The following MCTP1 variants were observed in gnomAD, a reference collection of about 807,000 sequenced individuals.
The protein encoded by MCTP1 is multiple C2 and transmembrane domain containing 1, also known as multiple C2 and transmembrane domain-containing protein 1.
Under a neutral mutation model 120.6 loss-of-function variants are expected in MCTP1, and 69 were observed. The ratio of observed to expected loss-of-function variants is 0.57; its 90% CI spans 0.47 to 0.70. The LOEUF is 0.70. MCTP1 is among the 30% of genes least tolerant of loss of function. MCTP1 has a pLI of 0.00. For synonymous variants in MCTP1, 529 were observed against 493.1 expected (o/e 1.07, Z -0.96); for missense variants, 1,203 against 1,248.8 (o/e 0.96, Z 0.55).
At chr5:94,973,798 C>T (rs1827440432) in intron 2 of MCTP1, among the ~76,000 whole-genome samples, 6 of 152,016 alleles carry the variant, frequency 3.9e-5, no homozygotes, top group African/African-American at 1.4e-4. Context: ...ATGACCACTC[C>T]ATCTGTAATA....
At chr5:95,278,134 AG>A in intron 1 of MCTP1, among the ~76,000 whole-genome samples, 1 of 152,086 alleles carries the variant, frequency 6.6e-6, no homozygotes. Context: ...TACATATTAG[AG>A]GGGAAAATGT....
chr5:94,736,884 C>T (rs1406725590), intron 19 of MCTP1, among the ~76,000 whole-genome samples: 3 of 152,198 alleles, frequency 2.0e-5, no homozygotes, highest in African/African-American at 7.2e-5. Flanking sequence ...TTCATTAACT[C>T]ATTGAGAGTC....
At chr5:95,106,567 C>T (rs180897836) in intron 1 of MCTP1, among the ~76,000 whole-genome samples, 3 of 152,314 alleles carry the variant, frequency 2.0e-5, no homozygotes, top group African/African-American at 7.2e-5. Context: ...TTGTACTGGT[C>T]ATTCTATCAC....
chr5:95,165,661 A>C (rs572190935), intron 1 of MCTP1, among the ~76,000 whole-genome samples: 4 of 152,342 alleles, frequency 2.6e-5, no homozygotes, highest in African/African-American at 9.6e-5. Context: ...TATAACACTG[A>C]GCCCTGAAGT....
chr5:94,765,812 G>A (rs1772534568), intron 19 of MCTP1, among the ~76,000 whole-genome samples: 1 of 149,164 alleles, frequency 6.7e-6, no homozygotes, highest in African/African-American at 2.5e-5. Context: ...TAAGCCGTTA[G>A]CAAGACTAGC....
intron 8 of MCTP1, among the ~76,000 whole-genome samples, chr5:94,913,705 C>A (rs1052226747): frequency 2.7e-5 from 4 of 148,806 alleles, no homozygotes; most frequent in African/African-American, 9.9e-5. Context: ...TTTTATTATT[C>A]TTTTTTTTTT....
At chr5:95,243,709 G>C (rs1165592483) in intron 1 of MCTP1, among the ~76,000 whole-genome samples, 1 of 152,178 alleles carries the variant, frequency 6.6e-6, no homozygotes, top group Non-Finnish European at 1.5e-5. Flanking sequence ...AACCAAGGTT[G>C]CTTCTGAATA....
intron 17 of MCTP1, among the ~76,000 whole-genome samples, chr5:94,855,108 A>G (rs765462536): frequency 1.3e-5 from 2 of 151,864 alleles, no homozygotes; most frequent in Non-Finnish European, 2.9e-5. Context: ...ATTCCCCCTT[A>G]TAACCCGCAA....
intron 17 of MCTP1, among the ~76,000 whole-genome samples, chr5:94,815,684 T>G (rs1336144994): frequency 6.6e-6 from 1 of 152,222 alleles, no homozygotes; most frequent in African/African-American, 2.4e-5. Context: ...GGTTTACTAG[T>G]GTAATAAAGA....
intron 1 of MCTP1, among the ~76,000 whole-genome samples, chr5:95,160,750 C>G (rs1315149636): frequency 6.6e-6 from 1 of 151,736 alleles, no homozygotes; most frequent in East Asian, 1.9e-4. Flanking sequence ...TCAAATAACT[C>G]AATAGCAAGA....
At chr5:95,247,251 T>C (rs1198178219) in intron 1 of MCTP1, among the ~76,000 whole-genome samples, 3 of 152,134 alleles carry the variant, frequency 2.0e-5, no homozygotes. Flanking sequence ...CCTGTATCAT[T>C]TTTTATTGCA....
At chr5:94,816,422 T>C (rs896738007) in intron 17 of MCTP1, among the ~76,000 whole-genome samples, 4 of 152,164 alleles carry the variant, frequency 2.6e-5, no homozygotes, top group Non-Finnish European at 4.4e-5. Flanking sequence ...ATCTCACTTC[T>C]AAGAAATAAT....
At chr5:95,116,634 C>A (rs1466313698) in intron 1 of MCTP1, among the ~76,000 whole-genome samples, 4 of 151,646 alleles carry the variant, frequency 2.6e-5, no homozygotes, top group African/African-American at 9.7e-5. Context: ...GGCAGTATGG[C>A]CATTTTCACG....
At chr5:94,977,439 A>G (rs775972435) in intron 2 of MCTP1, among the ~76,000 whole-genome samples, 6 of 152,094 alleles carry the variant, frequency 3.9e-5, no homozygotes, top group Non-Finnish European at 8.8e-5. Flanking sequence ...TCAAATTCCA[A>G]TGATATTTTT....
At chr5:95,045,642 G>A (rs556257676) in intron 1 of MCTP1, among the ~76,000 whole-genome samples, 53 of 152,238 alleles carry the variant, frequency 3.5e-4, no homozygotes, top group African/African-American at 1.0e-3. Context: ...GGGGTCTGGC[G>A]TCAGTGGTTA....
chr5:94,990,906 A>G (rs1220681835), intron 2 of MCTP1, among the ~76,000 whole-genome samples: 7 of 152,248 alleles, frequency 4.6e-5, no homozygotes, highest in Middle Eastern at 3.4e-3. Context: ...CCCTCTTTCC[A>G]CAGAGAATTC....
At chr5:94,726,919 A>C (rs1762246495) in intron 19 of MCTP1, among the ~76,000 whole-genome samples, 1 of 152,214 alleles carries the variant, frequency 6.6e-6, no homozygotes. Flanking sequence ...GTTATAATCA[A>C]ATCGTGTGAG....
At chr5:94,836,179 C>CAAAAAAAAAAAAAAAA (rs35396232) in intron 17 of MCTP1, among the ~76,000 whole-genome samples, 1 of 65,962 alleles carries the variant, frequency 1.5e-5, no homozygotes. Context: ...GACTCCGTCT[C>CAAAAAAAAAAAAAAAA]AAAAAAAAAA....
chr5:95,104,344 T>G (rs920801472), intron 1 of MCTP1, among the ~76,000 whole-genome samples: 1 of 152,246 alleles, frequency 6.6e-6, no homozygotes, highest in African/African-American at 2.4e-5. Context: ...TGAGGTTTTA[T>G]TCAATGTCAG....
Sources: allele counts gnomAD v4.1 joint callset (sites outside exome capture counted in the v4.1 genomes callset), GRCh38; gene constraint gnomAD v4.1.1; transcripts MANE v1.5; gene names NCBI Gene and HGNC (gene_info 2026-07-23, HGNC 2026-07-21).